SNX25: variants seen among roughly 807,000 people sequenced by gnomAD.
SNX25 encodes the protein sorting nexin 25.
In SNX25, 62 loss-of-function variants were observed where a neutral mutation model predicts 113.7. The observed-to-expected ratio is 0.55, with a 90% confidence interval of 0.44 to 0.67. SNX25 has a LOEUF of 0.67. SNX25 is among the 30% of genes least tolerant of loss of function. The probability of loss-of-function intolerance (pLI) is 0.00; values close to 1 mark genes in which losing one functional copy is unlikely to be tolerated. For missense variants in SNX25, 1,014 were observed against 1,161.0 expected (o/e 0.87, Z 1.84); for synonymous variants, 421 against 436.2 (o/e 0.97, Z 0.43).
chr4:185,223,588 G>A (rs12501021), intron 1 of SNX25, among the ~76,000 whole-genome samples: 12 of 152,156 alleles, frequency 7.9e-5, no homozygotes, highest in Non-Finnish European at 1.3e-4. Flanking sequence ...GGACCATCCT[G>A]CCTAACACGG....
At chr4:185,261,981 G>C (rs1233335461) in intron 3 of SNX25, among the ~76,000 whole-genome samples, 2 of 152,132 alleles carry the variant, frequency 1.3e-5, no homozygotes, top group African/African-American at 2.4e-5. Flanking sequence ...AATGAGACCG[G>C]CAGACAGTGA....
chr4:185,307,960 T>C (rs531874609), intron 6 of SNX25, among the ~76,000 whole-genome samples: 7 of 152,172 alleles, frequency 4.6e-5, no homozygotes, highest in Non-Finnish European at 7.4e-5. Flanking sequence ...GGTTTAGTTA[T>C]ATTGCCCAGG....
At chr4:185,313,840 A>G (rs1046214869) in intron 7 of SNX25, among the ~76,000 whole-genome samples, 4 of 152,208 alleles carry the variant, frequency 2.6e-5, no homozygotes, top group Non-Finnish European at 5.9e-5. Context: ...TAGTCAGTTA[A>G]CACAGATCTT....
chr4:185,317,833 C>A (rs768511453), intron 7 of SNX25, among the ~76,000 whole-genome samples: 1 of 151,994 alleles, frequency 6.6e-6, no homozygotes, highest in Non-Finnish European at 1.5e-5. Flanking sequence ...ATACCTAATG[C>A]ATGTGGGGCT....
chr4:185,367,407 C>T (rs558458602), downstream of SNX25, among the ~76,000 whole-genome samples: 2 of 151,632 alleles, frequency 1.3e-5, no homozygotes, highest in Admixed American at 6.6e-5. Flanking sequence ...CTACTTTAAC[C>T]TATGCAGAAT....
chr4:185,304,764 CA>C (rs1175953402), intron 6 of SNX25, among the ~76,000 whole-genome samples: 4 of 152,228 alleles, frequency 2.6e-5, no homozygotes, highest in African/African-American at 4.8e-5. Context: ...GCTGGTATTA[CA>C]GGCATGAGCC....
At chr4:185,211,446 T>TG (rs1197758288) in intron 1 of SNX25, among the ~76,000 whole-genome samples, 1 of 152,148 alleles carries the variant, frequency 6.6e-6, no homozygotes, top group Non-Finnish European at 1.5e-5. Context: ...TAGCAGGAGT[T>TG]GCGGAGCAGA....
At chr4:185,323,838 T>C in intron 9 of SNX25, 38 bp downstream of exon 9, 1 of 1,602,352 alleles carries the variant, frequency 6.2e-7, no homozygotes, top group Non-Finnish European at 8.5e-7. Context: ...TTTTATTGGA[T>C]AAGCTTTTAA....
intron 1 of SNX25, among the ~76,000 whole-genome samples, chr4:185,212,491 G>GTTTTTTTTT (rs61204525): frequency 2.0e-4 from 21 of 104,902 alleles, no homozygotes; most frequent in South Asian, 3.1e-4. Context: ...GTGTGTGTGT[G>GTTTTTTTTT]TTTTTTTTTT....
chr4:185,222,598 A>G (rs1394970729), intron 1 of SNX25, among the ~76,000 whole-genome samples: 1 of 152,184 alleles, frequency 6.6e-6, no homozygotes, highest in Non-Finnish European at 1.5e-5. Context: ...TAGTTGTCAC[A>G]GTTGTAATTT....
At chr4:185,338,583 C>T (rs1288550) in intron 10 of SNX25, among the ~76,000 whole-genome samples, 5,633 of 152,182 alleles carry the variant, frequency 0.037, 162 homozygotes, top group East Asian at 0.16. Context: ...CCACCATGCA[C>T]GGCACCCTAT....
chr4:185,272,572 T>A (rs1749097408), intron 5 of SNX25, among the ~76,000 whole-genome samples: 1 of 152,120 alleles, frequency 6.6e-6, no homozygotes, highest in South Asian at 2.1e-4. Context: ...ATGTAATTGG[T>A]CTGGAGGGGA....
chr4:185,353,379 T>A (rs2095324983), intron 14 of SNX25, 106 bp from the exon 15 acceptor site: 2 of 804,116 alleles, frequency 2.5e-6, no homozygotes, highest in Admixed American at 4.4e-5. Context: ...GAATTAAGGC[T>A]AAAATACGAG....
chr4:185,306,846 C>T (rs959105368), intron 6 of SNX25, among the ~76,000 whole-genome samples: 4 of 152,222 alleles, frequency 2.6e-5, no homozygotes, highest in Non-Finnish European at 4.4e-5. Context: ...GGGCAAACTA[C>T]ATTTACCTTC....
downstream of SNX25, among the ~76,000 whole-genome samples, chr4:185,367,633 A>G (rs1489485371): frequency 1.3e-5 from 2 of 152,232 alleles, no homozygotes; most frequent in Non-Finnish European, 2.9e-5. Flanking sequence ...ATATACAGCT[A>G]AAATAATTTT....
intron 1 of SNX25, among the ~76,000 whole-genome samples, chr4:185,242,449 A>G (rs1744208127): frequency 6.6e-6 from 1 of 152,244 alleles, no homozygotes; most frequent in South Asian, 2.1e-4. Context: ...TGAGGTGCCC[A>G]TGAGCCCCCT....
downstream of SNX25, among the ~76,000 whole-genome samples, chr4:185,368,106 A>G (rs2095397264): frequency 6.6e-6 from 1 of 152,162 alleles, no homozygotes; most frequent in African/African-American, 2.4e-5. Flanking sequence ...TGAACCTGGG[A>G]GGCGGAGCTT....
chr4:185,359,817 G>A (rs2095353960), intron 16 of SNX25, among the ~76,000 whole-genome samples: 1 of 152,188 alleles, frequency 6.6e-6, no homozygotes, highest in African/African-American at 2.4e-5. Flanking sequence ...AAAATGAGCG[G>A]CTGCATGTTG....
chr4:185,341,722 C>G (rs562756995), intron 11 of SNX25, among the ~76,000 whole-genome samples: 1 of 152,260 alleles, frequency 6.6e-6, no homozygotes, highest in African/African-American at 2.4e-5. Flanking sequence ...TTTCTGACTT[C>G]CTTTCGTATC....
Sources: gnomAD v4.1 joint callset for allele counts (sites outside exome capture counted in the v4.1 genomes callset) on GRCh38, gnomAD v4.1.1 for gene constraint, MANE v1.5 for transcripts, NCBI Gene and HGNC (gene_info 2026-07-23, HGNC 2026-07-21) for gene names.